Variants in TTC28 observed in about 807,000 individuals in gnomAD.
TTC28 encodes the protein tetratricopeptide repeat domain 28.
TTC28 carries 61 observed loss-of-function variants against 198.0 expected under a neutral mutation model. The ratio of observed to expected loss-of-function variants is 0.31; its 90% CI spans 0.25 to 0.38. The LOEUF is 0.38. Ranked by LOEUF, TTC28 falls within the 10% of genes least tolerant of loss-of-function variation. The pLI, the probability that TTC28 is intolerant of heterozygous loss-of-function variation, is 1.00. For synonymous variants in TTC28, 1,171 were observed against 1,297.8 expected (o/e 0.90, Z 2.10); for missense variants, 2,678 against 3,164.0 (o/e 0.85, Z 3.69).
At chr22:28,437,987 T>C (rs2047549321) in intron 2 of TTC28, among the ~76,000 whole-genome samples, 2 of 151,906 alleles carry the variant, frequency 1.3e-5, no homozygotes, top group African/African-American at 4.8e-5. Context: ...AGGCCAAGAG[T>C]CAAGAGATCC....
intron 6 of TTC28, among the ~76,000 whole-genome samples, chr22:28,124,326 G>C (rs1268842574): frequency 1.3e-5 from 2 of 152,094 alleles, no homozygotes; most frequent in Admixed American, 1.3e-4. Flanking sequence ...AAGTGGTTGG[G>C]TGCTAGCCAA....
intron 6 of TTC28, among the ~76,000 whole-genome samples, chr22:28,155,875 A>G (rs967227697): frequency 2.0e-5 from 3 of 152,202 alleles, no homozygotes; most frequent in African/African-American, 4.8e-5. Context: ...AGGAAGATCA[A>G]TCTAGTACTG....
rs139310555 is a variant in TTC28, at chr22:28,125,299, G to A, written c.1442-16896C>T. On this transcript the variant is annotated intron_variant, in intron 6 of 22. Coordinates refer to ENST00000397906, the MANE Select transcript of TTC28 (RefSeq NM_001145418.2). ...AGCCCTCCAGAGTGAAAAATACCTC[G>A]ATTTATTAATCTCTGTTGGCTTGGA... is the stretch of plus-strand genomic sequence containing the variant. 1.3e-4 allele frequency among the ~76,000 whole-genome samples: 20 copies of A among 152,266 alleles called. No individual in the cohort carries two copies. The East Asian group carries it at 3.1e-3, about 23-fold the overall frequency.
Position 28,098,943 on chromosome 22 carries a change from C to A in TTC28, c.3519G>T (p.Gln1173His). The change falls in exon 10 of 23, where the codon CAG (glutamine) becomes CAT (histidine). Residue 1173 changes from glutamine (Q) to histidine (H), a missense_variant. By Grantham distance (24) the Gln-to-His change is conservative. Coordinates refer to ENST00000397906, the MANE Select transcript of TTC28 (RefSeq NM_001145418.2). ...GGCTGACGAGCACCCGCTGCAAGGC[C>A]TGGTAGGATGATGTCTGCAGGTCAA... is the stretch of plus-strand genomic sequence containing the variant. ...SLFDLQTSSY[Q>H]ALQRVLVSLG... 6.4e-7 allele frequency: 1 copy of A among 1,551,746 alleles called. No homozygotes were observed. Among genetic ancestry groups the A allele is most frequent in the Non-Finnish European group, 8.7e-7 (1 of 1,146,996 alleles).
intron 12 of TTC28, among the ~76,000 whole-genome samples, chr22:28,088,282 C>T (rs1194315471): frequency 1.3e-5 from 2 of 152,094 alleles, no homozygotes; most frequent in African/African-American, 4.8e-5. Context: ...GCTACAGTAA[C>T]CAAAACAGCA....
At chr22:28,675,914 T>C (rs1448331580) in intron 1 of TTC28, among the ~76,000 whole-genome samples, 2 of 152,014 alleles carry the variant, frequency 1.3e-5, no homozygotes, top group African/African-American at 4.8e-5. Flanking sequence ...GCGAGACCCC[T>C]TATCTACAAA....
chr22:28,167,717 C>A (rs989449110), intron 5 of TTC28, among the ~76,000 whole-genome samples: 2 of 152,194 alleles, frequency 1.3e-5, no homozygotes, highest in Admixed American at 1.3e-4. Context: ...CAATATCATA[C>A]TGAATGGCCA....
At chr22:28,415,352 CAAAA>C (rs988898043) in intron 2 of TTC28, among the ~76,000 whole-genome samples, 2 of 144,242 alleles carry the variant, frequency 1.4e-5, no homozygotes, top group African/African-American at 2.6e-5. Flanking sequence ...TTTTAATAGA[CAAAA>C]AAAAAATGTA....
At chr22:28,477,797 T>A (rs1189479064) in intron 2 of TTC28, among the ~76,000 whole-genome samples, 1 of 152,184 alleles carries the variant, frequency 6.6e-6, no homozygotes, top group Admixed American at 6.5e-5. Context: ...TGCCCTCTCG[T>A]ACAACTGGTC....
intron 5 of TTC28, among the ~76,000 whole-genome samples, chr22:28,164,532 A>G (rs1921656472): frequency 6.6e-6 from 1 of 152,234 alleles, no homozygotes; most frequent in African/African-American, 2.4e-5. Flanking sequence ...CCAGGCAAAC[A>G]GGGTCTGGAG....
At position 28,023,756 on chromosome 22, in the gene TTC28, G is replaced by T. The variant is rs1938707855; in HGVS notation, c.4073+6470C>A. On this transcript the variant is annotated intron_variant, in intron 13 of 22. Transcript: ENST00000397906. ...GATCACCTGGCAAGGGAGTTAGATG[G>T]ATGAGGGCCTGTGGGGCCGGAGCAC... Among the ~76,000 whole-genome samples the T allele has an allele frequency of 2.6e-5, 4 of 152,286 alleles. No homozygotes were observed. In the South Asian group the frequency reaches 8.3e-4, roughly 32 times the overall value.
intron 12 of TTC28, among the ~76,000 whole-genome samples, chr22:28,057,650 T>C (rs759906466): frequency 1.3e-5 from 2 of 152,118 alleles, no homozygotes; most frequent in Non-Finnish European, 2.9e-5. Context: ...TTTCTGGCTA[T>C]TGCTTTTTAT....
chr22:28,297,515 T>C, intron 4 of TTC28, 65 bp downstream of exon 4: 1 of 1,499,374 alleles, frequency 6.7e-7, no homozygotes, highest in Non-Finnish European at 9.0e-7. Flanking sequence ...TTATTCTCAT[T>C]CATGTCATGT....
intron 2 of TTC28, among the ~76,000 whole-genome samples, chr22:28,352,465 T>C (rs916298634): frequency 1.3e-5 from 2 of 152,066 alleles, no homozygotes; most frequent in East Asian, 3.9e-4. Flanking sequence ...TTAGGCTACA[T>C]TTCGGAGCTC....
At chr22:28,593,469 CTAGGTAGGTAGG>C (rs10542907) in intron 2 of TTC28, among the ~76,000 whole-genome samples, 189 of 148,308 alleles carry the variant, frequency 1.3e-3, no homozygotes, top group African/African-American at 3.2e-3. Context: ...AGGTAGGTAG[CTAGGTAGGTAGG>C]TAGGTAGGTA....
At position 27,982,679 on chromosome 22, in the gene TTC28, C is replaced by T; in HGVS notation, c.6988G>A (p.Gly2330Arg). 1 of 1,551,672 alleles carries T rather than the reference C, an allele frequency of 6.4e-7. No homozygotes were observed. The highest frequency in any genetic ancestry group is 8.7e-7 in the Non-Finnish European group (1 of 1,147,020). Residue 2330 changes from glycine to arginine, a missense_variant, in exon 23 of 23, where the codon GGA becomes AGA. By Grantham distance (125) the Gly-to-Arg change is moderately radical (BLOSUM62 -2). This residue lies in a region of TTC28 where 622 missense variants were observed against 656.0 expected (regional missense o/e 0.95). Coordinates refer to ENST00000397906, the MANE Select transcript of TTC28 (RefSeq NM_001145418.2). The surrounding 1 kb of genome is among the most constrained non-coding windows in gnomAD (Gnocchi z 5.2). ...TCTGCTGGACTTGAGCGAGCAGATC[C>T]AGCTGAGGAGTAGGAGAGAGCTGGG... is the stretch of plus-strand genomic sequence containing the variant. Reference protein sequence around the residue: ...PSPALSYSSAGSARSSPADAP... With the variant: ...PSPALSYSSARSARSSPADAP...
intron 2 of TTC28, among the ~76,000 whole-genome samples, chr22:28,496,694 C>T (rs1448416334): frequency 6.6e-6 from 1 of 151,836 alleles, no homozygotes; most frequent in African/African-American, 2.4e-5. Flanking sequence ...CTGCCCTTGC[C>T]TTCTCCAGTC....
At chr22:28,284,448 C>A (rs1392617427) in intron 5 of TTC28, among the ~76,000 whole-genome samples, 2 of 151,956 alleles carry the variant, frequency 1.3e-5, no homozygotes, top group African/African-American at 4.8e-5. Flanking sequence ...TTGGGTAAAT[C>A]TTTTAATTTA....
intron 2 of TTC28, among the ~76,000 whole-genome samples, chr22:28,575,431 T>C (rs1053357170): frequency 6.6e-6 from 1 of 152,136 alleles, no homozygotes. Flanking sequence ...TATGGCTCTG[T>C]AGTATAATTT....
Sources: gnomAD v4.1 joint callset for allele counts (sites outside exome capture counted in the v4.1 genomes callset) on GRCh38, gnomAD v4.1.1 for gene constraint, gnomAD v4.1.1 regional missense constraint, Gnocchi (gnomAD v3.1) non-coding constraint, MANE v1.5 for transcripts, NCBI Gene and HGNC (gene_info 2026-07-23, HGNC 2026-07-21) for gene names.